PABPC4L: variants seen among roughly 807,000 people sequenced by gnomAD.
PABPC4L encodes the protein poly(A) binding protein cytoplasmic 4 like.
For missense variants in PABPC4L, 452 were observed against 451.4 expected (o/e 1.00, Z -0.01); for synonymous variants, 169 against 164.1 (o/e 1.03, Z -0.23).
At chr4:134,134,911 G>C in the PABPC4L span, among the ~76,000 whole-genome samples, 1 of 151,836 alleles carries the variant, frequency 6.6e-6, no homozygotes, top group East Asian at 1.9e-4. Flanking sequence ...GTAAATTCAA[G>C]GGCAGAACTT....
At chr4:134,020,552 G>A in the PABPC4L span, among the ~76,000 whole-genome samples, 1 of 152,006 alleles carries the variant, frequency 6.6e-6, no homozygotes, top group African/African-American at 2.4e-5. Context: ...AGGGAAACCA[G>A]CAAGCCCCAG....
chr4:133,971,400 CG>C, the PABPC4L span, among the ~76,000 whole-genome samples: 1 of 152,026 alleles, frequency 6.6e-6, no homozygotes, highest in Non-Finnish European at 1.5e-5. Flanking sequence ...CGTGAGCCAC[CG>C]CGCCCGGCCT....
At chr4:133,979,188 T>C in the PABPC4L span, among the ~76,000 whole-genome samples, 1 of 152,272 alleles carries the variant, frequency 6.6e-6, no homozygotes, top group East Asian at 1.9e-4. Context: ...TTCTGAGGAA[T>C]TAGGGAATCT....
chr4:133,997,300 C>T, the PABPC4L span, among the ~76,000 whole-genome samples: 38,605 of 151,894 alleles, frequency 0.25, 6,824 homozygotes, highest in East Asian at 0.53. Context: ...AGCTAGGCCC[C>T]TTGTGACAAA....
At chr4:133,994,208 G>A in the PABPC4L span, among the ~76,000 whole-genome samples, 1 of 152,092 alleles carries the variant, frequency 6.6e-6, no homozygotes, top group South Asian at 2.1e-4. Context: ...TCCAAGGGCT[G>A]TTTGATGGTT....
chr4:134,120,832 A>G, the PABPC4L span, among the ~76,000 whole-genome samples: 1 of 151,022 alleles, frequency 6.6e-6, no homozygotes, highest in Admixed American at 6.6e-5. Context: ...TGTGTTGTGT[A>G]TTTATTCTTT....
chr4:133,995,435 T>C, the PABPC4L span, among the ~76,000 whole-genome samples: 1 of 152,152 alleles, frequency 6.6e-6, no homozygotes, highest in African/African-American at 2.4e-5. Context: ...TTTCCTCTGA[T>C]TGCCTGCATT....
the PABPC4L span, among the ~76,000 whole-genome samples, chr4:134,069,394 T>C: frequency 1.3e-5 from 2 of 152,202 alleles, no homozygotes; most frequent in Admixed American, 1.3e-4. Flanking sequence ...GAAATTTTCA[T>C]GGACAATATC....
At chr4:133,997,006 A>T in the PABPC4L span, among the ~76,000 whole-genome samples, 1 of 152,192 alleles carries the variant, frequency 6.6e-6, no homozygotes, top group Non-Finnish European at 1.5e-5. Context: ...TAAGACAATC[A>T]GCTGCCTTCA....
chr4:134,038,961 G>C, the PABPC4L span, among the ~76,000 whole-genome samples: 1 of 152,088 alleles, frequency 6.6e-6, no homozygotes, highest in Admixed American at 6.6e-5. Flanking sequence ...TAGGCATTTA[G>C]TGCTATAAAT....
At chr4:134,020,763 A>G in the PABPC4L span, among the ~76,000 whole-genome samples, 12 of 152,004 alleles carry the variant, frequency 7.9e-5, no homozygotes, top group African/African-American at 2.9e-4. Flanking sequence ...ACTAGTGAAA[A>G]CCTCCTAGTG....
chr4:134,182,102 A>G, the PABPC4L span, among the ~76,000 whole-genome samples: 5 of 151,766 alleles, frequency 3.3e-5, no homozygotes, highest in African/African-American at 1.2e-4. Flanking sequence ...CTAAAAAAAC[A>G]AAAACAAAAA....
chr4:133,949,623 G>A, the PABPC4L span, among the ~76,000 whole-genome samples: 2 of 152,018 alleles, frequency 1.3e-5, no homozygotes, highest in Non-Finnish European at 2.9e-5. Context: ...AGTATAATGA[G>A]TACACCCTCA....
rs1047100036 is a variant in PABPC4L at position 134,200,414 on chromosome 4, A to T, written c.606T>A (p.Asp202Glu). The T allele has an allele frequency of 1.4e-5, 22 of 1,555,822 alleles. No individual in the cohort carries two copies. The highest frequency in any genetic ancestry group is 1.9e-5 in the Non-Finnish European group (22 of 1,149,092). Residue 202 changes from aspartate to glutamate, a missense_variant, in exon 2 of 2, where the codon GAT becomes GAA. Asp to Glu is a conservative substitution (Grantham distance 45). Transcript: ENST00000421491. ...VYIKNFGGDM[D>E]DERLKDVFSK... ...TGAAAACGTCCTTCAATCTCTCATCATCCATGTCACCTCCAAAGTTTTTTA... is the reference window on the plus strand; with the variant it reads ...TGAAAACGTCCTTCAATCTCTCATCTTCCATGTCACCTCCAAAGTTTTTTA...
the PABPC4L span, among the ~76,000 whole-genome samples, chr4:134,144,140 T>C: frequency 6.6e-6 from 1 of 151,568 alleles, no homozygotes; most frequent in Admixed American, 6.6e-5. Context: ...TTTTTCTTTG[T>C]AGTTTTTAAG....
At chr4:134,038,906 T>C in the PABPC4L span, among the ~76,000 whole-genome samples, 19 of 152,156 alleles carry the variant, frequency 1.2e-4, no homozygotes, top group African/African-American at 4.3e-4. Flanking sequence ...TTGTTTTAAT[T>C]GTGATGCTAG....
chr4:134,199,762 G>A lies in PABPC4L; in HGVS notation c.*145C>T, dbSNP rs1010497235. ...TCCACAAAAGAAAAAAAATGGCTTT[G>A]TATAAAAAACGTTTTATCATAAAGT... On this transcript the variant is annotated 3_prime_UTR_variant, in exon 2 of 2. Coordinates refer to ENST00000421491, the MANE Select transcript of PABPC4L (RefSeq NM_001114734.2). 18 of 1,079,050 alleles carry A rather than the reference G, an allele frequency of 1.7e-5. No homozygotes were observed. The African/African-American group carries it at 2.4e-4, about 15-fold the overall frequency. The allele number at this position is 1,079,050 out of a possible 1,614,324, so 66.8% of individuals were successfully genotyped here.
chr4:134,050,311 G>T, the PABPC4L span, among the ~76,000 whole-genome samples: 1 of 152,090 alleles, frequency 6.6e-6, no homozygotes, highest in East Asian at 1.9e-4. Flanking sequence ...CTGAAATTAT[G>T]CCTTGCTGTT....
chr4:134,032,038 A>G, the PABPC4L span, among the ~76,000 whole-genome samples: 2 of 151,864 alleles, frequency 1.3e-5, no homozygotes, highest in Admixed American at 6.6e-5. Flanking sequence ...TACTTATTCC[A>G]TTGGATCTCT....
Sources: gnomAD v4.1 joint callset for allele counts (sites outside exome capture counted in the v4.1 genomes callset) on GRCh38, gnomAD v4.1.1 for gene constraint, MANE v1.5 for transcripts, NCBI Gene and HGNC (gene_info 2026-07-23, HGNC 2026-07-21) for gene names.